Variants in LINGO2 observed in about 807,000 individuals in gnomAD.
LINGO2 encodes leucine-rich repeat and immunoglobulin-like domain-containing nogo receptor-interacting protein 2.
Under a neutral mutation model 30.6 loss-of-function variants are expected in LINGO2, and 14 were observed. The ratio of observed to expected loss-of-function variants is 0.46; its 90% CI spans 0.30 to 0.72. The LOEUF (loss-of-function observed/expected upper bound fraction) is 0.72, where lower values mean the gene tolerates loss of function less well. Among genes scored for constraint, LINGO2 ranks in the 30% least tolerant of loss-of-function variants. The pLI, the probability that LINGO2 is intolerant of heterozygous loss-of-function variation, is 0.07. For missense variants in LINGO2, 729 were observed against 751.7 expected (o/e 0.97, Z 0.35); for synonymous variants, 317 against 288.5 (o/e 1.10, Z -1.00).
intron 4 of LINGO2, among the ~76,000 whole-genome samples, chr9:28,120,021 T>G (rs1827048516): frequency 1.3e-5 from 2 of 152,196 alleles, no homozygotes; most frequent in African/African-American, 4.8e-5. Flanking sequence ...GCACCTTTAT[T>G]TTGAAAGCTA....
the LINGO2 span, among the ~76,000 whole-genome samples, chr9:29,131,060 T>C: frequency 1.3e-5 from 2 of 152,196 alleles, no homozygotes; most frequent in African/African-American, 2.4e-5. Context: ...TACTGTAACC[T>C]GGATAATAGT....
chr9:28,219,931 C>T (rs1820898351), intron 4 of LINGO2, among the ~76,000 whole-genome samples: 1 of 152,142 alleles, frequency 6.6e-6, no homozygotes, highest in South Asian at 2.1e-4. Flanking sequence ...AGCTACAGAT[C>T]ATATTTTTAA....
At chr9:28,062,504 G>GTA (rs1825176742) in intron 4 of LINGO2, among the ~76,000 whole-genome samples, 1 of 141,148 alleles carries the variant, frequency 7.1e-6, no homozygotes, top group Non-Finnish European at 1.5e-5. Flanking sequence ...TACTATACAT[G>GTA]TATATATACT....
chr9:28,210,096 T>A (rs1006493724), intron 4 of LINGO2, among the ~76,000 whole-genome samples: 3 of 151,778 alleles, frequency 2.0e-5, no homozygotes, highest in Non-Finnish European at 3.0e-5. Context: ...CTTTCTGCCA[T>A]GAGTAATTCA....
chr9:28,678,552 T>C, the LINGO2 span, among the ~76,000 whole-genome samples: 6 of 152,262 alleles, frequency 3.9e-5, no homozygotes, highest in East Asian at 7.7e-4. Context: ...CTTGCTAGAC[T>C]GCATGATGTT....
chr9:29,048,238 A>T, the LINGO2 span, among the ~76,000 whole-genome samples: 5 of 152,004 alleles, frequency 3.3e-5, no homozygotes, highest in Non-Finnish European at 5.9e-5. Flanking sequence ...ATAAAATTAA[A>T]TACCTAGTAA....
chr9:28,153,024 C>T (rs1474710987), intron 4 of LINGO2, among the ~76,000 whole-genome samples: 1 of 151,926 alleles, frequency 6.6e-6, no homozygotes, highest in African/African-American at 2.4e-5. Flanking sequence ...ATAAATAACC[C>T]CCGATGCTCA....
At chr9:28,410,882 G>C (rs1174613755) in intron 2 of LINGO2, among the ~76,000 whole-genome samples, 2 of 151,974 alleles carry the variant, frequency 1.3e-5, no homozygotes, top group Non-Finnish European at 2.9e-5. Context: ...TTGCAAATGA[G>C]GTAAAAGTGC....
the LINGO2 span, among the ~76,000 whole-genome samples, chr9:29,077,161 T>C: frequency 2.0e-5 from 3 of 152,096 alleles, no homozygotes; most frequent in Non-Finnish European, 4.4e-5. Flanking sequence ...TTATATCTAA[T>C]ATTATTTGTG....
At chr9:28,172,026 A>AAAAC (rs1554682031) in intron 4 of LINGO2, among the ~76,000 whole-genome samples, 4 of 82,610 alleles carry the variant, frequency 4.8e-5, no homozygotes, top group African/African-American at 1.3e-4. Context: ...CAAAAAAAAA[A>AAAAC]AAAAAAACAA....
At chr9:28,357,080 A>T (rs572058921) in intron 3 of LINGO2, among the ~76,000 whole-genome samples, 11 of 152,146 alleles carry the variant, frequency 7.2e-5, no homozygotes, top group Non-Finnish European at 1.3e-4. Context: ...TATTAATATT[A>T]TTTGTTGTAA....
chr9:28,034,129 C>T (rs936803413), intron 4 of LINGO2, among the ~76,000 whole-genome samples: 1 of 152,136 alleles, frequency 6.6e-6, no homozygotes, highest in Non-Finnish European at 1.5e-5. Context: ...CTACCTTAAA[C>T]CTGTGAGGTG....
chr9:28,456,001 T>G (rs375527926), intron 2 of LINGO2, among the ~76,000 whole-genome samples: 24 of 152,294 alleles, frequency 1.6e-4, no homozygotes, highest in African/African-American at 5.5e-4. Context: ...ACCACTAACT[T>G]CCATATTCCC....
At chr9:28,956,574 C>T in the LINGO2 span, among the ~76,000 whole-genome samples, 88 of 36,186 alleles carry the variant, frequency 2.4e-3, no homozygotes, top group Middle Eastern at 0.017. Context: ...CTTCCTTCCT[C>T]CATCCCTCCC....
chr9:28,920,828 C>A, the LINGO2 span, among the ~76,000 whole-genome samples: 1 of 152,076 alleles, frequency 6.6e-6, no homozygotes, highest in Admixed American at 6.6e-5. Flanking sequence ...AAACCCCTGG[C>A]CACACACTTA....
At chr9:28,490,519 G>T (rs1358913046) in intron 1 of LINGO2, among the ~76,000 whole-genome samples, 1 of 152,168 alleles carries the variant, frequency 6.6e-6, no homozygotes, top group Non-Finnish European at 1.5e-5. Flanking sequence ...CATAAATACA[G>T]TGAGTGCTAA....
intron 1 of LINGO2, among the ~76,000 whole-genome samples, chr9:28,627,587 C>T (rs972250716): frequency 1.3e-5 from 2 of 152,132 alleles, no homozygotes; most frequent in South Asian, 2.1e-4. Context: ...TTCTAAATCA[C>T]CATCTTGTGT....
At chr9:28,379,024 T>C (rs1821236473) in intron 2 of LINGO2, among the ~76,000 whole-genome samples, 1 of 152,098 alleles carries the variant, frequency 6.6e-6, no homozygotes, top group African/African-American at 2.4e-5. Flanking sequence ...GGAGTTAACT[T>C]TGAACCACAA....
chr9:28,269,776 T>C (rs1351541898), intron 4 of LINGO2, among the ~76,000 whole-genome samples: 1 of 152,080 alleles, frequency 6.6e-6, no homozygotes, highest in Non-Finnish European at 1.5e-5. Flanking sequence ...ATCCAACCAT[T>C]CATGAGTCTA....
Sources: allele counts gnomAD v4.1 joint callset (sites outside exome capture counted in the v4.1 genomes callset), GRCh38; gene constraint gnomAD v4.1.1; transcripts MANE v1.5; gene names NCBI Gene and HGNC (gene_info 2026-07-23, HGNC 2026-07-21).